The following LRMDA variants were observed in gnomAD, a reference collection of about 807,000 sequenced individuals.
LRMDA encodes the protein leucine-rich melanocyte differentiation-associated protein.
Under a neutral mutation model 29.8 loss-of-function variants are expected in LRMDA, and 18 were observed. The observed-to-expected ratio is 0.60, with a 90% confidence interval of 0.42 to 0.90. The LOEUF (loss-of-function observed/expected upper bound fraction) is 0.90, where lower values mean the gene tolerates loss of function less well. LRMDA is among the 40% of genes least tolerant of loss of function. LRMDA has a pLI of 0.00. For synonymous variants in LRMDA, 125 were observed against 109.4 expected (o/e 1.14, Z -0.89); for missense variants, 273 against 273.9 (o/e 1.00, Z 0.02).
At chr10:75,548,373 A>T (rs895527750) in intron 2 of LRMDA, among the ~76,000 whole-genome samples, 1 of 152,108 alleles carries the variant, frequency 6.6e-6, no homozygotes, top group African/African-American at 2.4e-5. Context: ...CTAGAAGGCC[A>T]CTCTGTGTCC....
chr10:76,286,937 C>T (rs1249010563), intron 5 of LRMDA, among the ~76,000 whole-genome samples: 2 of 152,132 alleles, frequency 1.3e-5, no homozygotes, highest in African/African-American at 4.8e-5. Context: ...CTGGCATCCT[C>T]TTCTCAAATG....
chr10:75,893,824 C>T (rs1299287369), intron 2 of LRMDA, among the ~76,000 whole-genome samples: 1 of 151,840 alleles, frequency 6.6e-6, no homozygotes, highest in Non-Finnish European at 1.5e-5. Flanking sequence ...ATCCCAGCTA[C>T]TCAGGAGGCT....
chr10:76,387,382 C>T (rs954149987), intron 6 of LRMDA, among the ~76,000 whole-genome samples: 4 of 152,068 alleles, frequency 2.6e-5, no homozygotes, highest in Non-Finnish European at 5.9e-5. Context: ...GGGCAAATCT[C>T]TTGAGCCCAG....
chr10:76,105,332 A>G (rs1040529242), intron 5 of LRMDA, among the ~76,000 whole-genome samples: 2 of 151,940 alleles, frequency 1.3e-5, no homozygotes, highest in African/African-American at 4.8e-5. Context: ...TGCCATCTTC[A>G]CAATAAGTGC....
chr10:75,896,195 T>C (rs894617505), intron 2 of LRMDA, among the ~76,000 whole-genome samples: 1 of 152,210 alleles, frequency 6.6e-6, no homozygotes, highest in African/African-American at 2.4e-5. Context: ...GAGAGTACTT[T>C]GGTGTTAGTG....
chr10:76,008,591 G>A (rs1234601494), intron 2 of LRMDA, among the ~76,000 whole-genome samples: 1 of 152,244 alleles, frequency 6.6e-6, no homozygotes, highest in African/African-American at 2.4e-5. Context: ...GACTGGCGTG[G>A]CCAGTGCCAA....
intron 5 of LRMDA, among the ~76,000 whole-genome samples, chr10:76,305,698 C>G (rs1029589919): frequency 3.3e-5 from 5 of 152,168 alleles, no homozygotes; most frequent in African/African-American, 1.2e-4. Flanking sequence ...GATTATGATA[C>G]TTGATTAGTC....
chr10:75,550,106 G>T (rs1299949950), intron 2 of LRMDA, among the ~76,000 whole-genome samples: 1 of 152,126 alleles, frequency 6.6e-6, no homozygotes, highest in East Asian at 1.9e-4. Context: ...ATAAACATTT[G>T]CTCAGAAACT....
intron 2 of LRMDA, among the ~76,000 whole-genome samples, chr10:76,005,996 C>G (rs1169750534): frequency 6.6e-6 from 1 of 151,970 alleles, no homozygotes; most frequent in African/African-American, 2.4e-5. Context: ...TAGGAAGGTT[C>G]TAGGCTGTGG....
At chr10:76,544,821 AT>A (rs1485741855) in intron 6 of LRMDA, among the ~76,000 whole-genome samples, 1 of 152,050 alleles carries the variant, frequency 6.6e-6, no homozygotes, top group Non-Finnish European at 1.5e-5. Context: ...ATATTTTACC[AT>A]TTGGCACTGG....
intron 2 of LRMDA, among the ~76,000 whole-genome samples, chr10:75,936,870 C>T (rs947416480): frequency 1.3e-5 from 2 of 152,200 alleles, no homozygotes; most frequent in African/African-American, 4.8e-5. Context: ...GCTTTTGGGA[C>T]ACAAACATTC....
chr10:75,577,359 T>C (rs1840520135), intron 2 of LRMDA, among the ~76,000 whole-genome samples: 1 of 151,754 alleles, frequency 6.6e-6, no homozygotes, highest in Admixed American at 6.6e-5. Flanking sequence ...GGAAAAGAAA[T>C]GAACAAAGCC....
chr10:76,221,073 C>A lies in LRMDA; in HGVS notation c.517-103328C>A, dbSNP rs375556482. ...AAGGCGTTTGACAAAATTCAACAACCCTTCATGCTAAAAACTCTCAATAAA... is the reference window on the plus strand; with the variant it reads ...AAGGCGTTTGACAAAATTCAACAACACTTCATGCTAAAAACTCTCAATAAA... On this transcript the variant is annotated intron_variant, in intron 5 of 6. Coordinates refer to ENST00000611255, the MANE Select transcript of LRMDA (RefSeq NM_001305581.2). 7.9e-5 allele frequency among the ~76,000 whole-genome samples: 12 copies of A among 151,854 alleles called. No individual in the cohort carries two copies. In the East Asian group the frequency reaches 1.4e-3, roughly 17 times the overall value.
At chr10:76,527,747 T>C (rs1843192880) in intron 6 of LRMDA, among the ~76,000 whole-genome samples, 1 of 152,192 alleles carries the variant, frequency 6.6e-6, no homozygotes, top group African/African-American at 2.4e-5. Flanking sequence ...GGATTGCCAG[T>C]ATTCAAACTC....
intron 5 of LRMDA, among the ~76,000 whole-genome samples, chr10:76,097,680 A>G (rs1849334048): frequency 6.6e-6 from 1 of 152,150 alleles, no homozygotes. Flanking sequence ...GTGAGTATAT[A>G]GTTTATTTTC....
intron 2 of LRMDA, among the ~76,000 whole-genome samples, chr10:75,988,155 T>TGC (rs1192274674): frequency 1.3e-5 from 2 of 152,198 alleles, no homozygotes; most frequent in Non-Finnish European, 2.9e-5. Context: ...TGGTAAAATA[T>TGC]GGTTGCTCCC....
At chr10:76,148,072 G>A (rs556137851) in intron 5 of LRMDA, among the ~76,000 whole-genome samples, 12 of 152,324 alleles carry the variant, frequency 7.9e-5, no homozygotes, top group African/African-American at 2.6e-4. Context: ...GTACCCGGCC[G>A]TGTGAGGTGT....
At chr10:75,622,186 T>C (rs1442262033) in intron 2 of LRMDA, among the ~76,000 whole-genome samples, 2 of 152,124 alleles carry the variant, frequency 1.3e-5, no homozygotes, top group Admixed American at 6.5e-5. Flanking sequence ...TATTTAGAGA[T>C]GATGGTATAA....
chr10:76,274,862 C>T (rs1050380495), intron 5 of LRMDA, among the ~76,000 whole-genome samples: 4 of 152,148 alleles, frequency 2.6e-5, no homozygotes, highest in African/African-American at 9.7e-5. Flanking sequence ...ATTCCCCTAC[C>T]TCTCAATTTT....
Sources: gnomAD v4.1 joint callset for allele counts (sites outside exome capture counted in the v4.1 genomes callset) on GRCh38, gnomAD v4.1.1 for gene constraint, MANE v1.5 for transcripts, NCBI Gene and HGNC (gene_info 2026-07-23, HGNC 2026-07-21) for gene names.